Variants in LTBP1 observed in about 807,000 individuals in gnomAD.
LTBP1 encodes the protein latent transforming growth factor beta binding protein 1, also known as latent-transforming growth factor beta-binding protein 1.
A neutral mutation model predicts 207.6 loss-of-function variants in LTBP1; 129 were observed. That is an observed-to-expected ratio of 0.62 (90% CI 0.54 to 0.72). The LOEUF (loss-of-function observed/expected upper bound fraction) is 0.72. LTBP1 is among the 30% of genes least tolerant of loss of function. The pLI is 0.00. For synonymous variants in LTBP1, 963 were observed against 833.7 expected, an observed-to-expected ratio of 1.16 and a Z score of -2.67; for missense variants, 2,281 against 2,217.2, an observed-to-expected ratio of 1.03 and a Z score of -0.58.
chr2:32,953,305 C>T (rs1183399768), intron 2 of LTBP1, among the ~76,000 whole-genome samples: 1 of 152,236 alleles, frequency 6.6e-6, no homozygotes, highest in African/African-American at 2.4e-5. Context: ...TCCCTCTTGG[C>T]TTGGCATCGT....
At chr2:33,034,114 A>G (rs1292512532) in intron 3 of LTBP1, among the ~76,000 whole-genome samples, 2 of 152,096 alleles carry the variant, frequency 1.3e-5, no homozygotes, top group African/African-American at 4.8e-5. Context: ...TCTTTAATTC[A>G]AAGTTTCACT....
intron 2 of LTBP1, among the ~76,000 whole-genome samples, chr2:32,991,192 C>T (rs1454314): frequency 1.8e-3 from 275 of 152,184 alleles, no homozygotes; most frequent in Non-Finnish European, 3.1e-3. Flanking sequence ...ATATGTTTCT[C>T]TTTTAATAAA....
intron 2 of LTBP1, among the ~76,000 whole-genome samples, chr2:32,958,119 G>A (rs1360246766): frequency 6.6e-6 from 1 of 152,172 alleles, no homozygotes; most frequent in Non-Finnish European, 1.5e-5. Flanking sequence ...AGAATACGGA[G>A]CTCCTAATTG....
chr2:33,225,751 C>T (rs866557493), intron 9 of LTBP1, among the ~76,000 whole-genome samples: 2 of 152,286 alleles, frequency 1.3e-5, no homozygotes, highest in African/African-American at 4.8e-5. Flanking sequence ...CCCTTCCCAG[C>T]CTCTAGTTAT....
chr2:33,311,136 C>G (rs1254548838), intron 23 of LTBP1, among the ~76,000 whole-genome samples: 4 of 152,076 alleles, frequency 2.6e-5, no homozygotes, highest in Non-Finnish European at 5.9e-5. Context: ...GATAGTGGCA[C>G]TGGAATTATA....
intron 5 of LTBP1, among the ~76,000 whole-genome samples, chr2:33,146,825 C>T (rs916087050): frequency 2.6e-5 from 4 of 152,224 alleles, no homozygotes; most frequent in African/African-American, 9.6e-5. Context: ...AGTTCGCCCC[C>T]ATGATCCAAT....
chr2:32,962,645 A>G (rs1679313384), intron 2 of LTBP1, among the ~76,000 whole-genome samples: 1 of 152,256 alleles, frequency 6.6e-6, no homozygotes, highest in Admixed American at 6.5e-5. Context: ...TATTACAACA[A>G]ATGTCCCTGT....
Position 33,134,980 on chromosome 2 carries a change from C to A in LTBP1, c.1201+20C>A. The A allele has an allele frequency of 6.3e-7, 1 of 1,587,098 alleles. No individual in the cohort carries two copies. The highest frequency in any genetic ancestry group is 8.6e-7 in the Non-Finnish European group (1 of 1,166,210). On this transcript the variant is annotated intron_variant, in intron 5 of 33. Transcript: ENST00000404816. The surrounding 1 kb of genome is among the most constrained non-coding windows in gnomAD (Gnocchi z 4.4). ...GAGTGGGTGAGTTCCTCCACGGTCCCTAACTGTCCTTACTGAGTCGAGTTT... is the reference window on the plus strand; with the variant it reads ...GAGTGGGTGAGTTCCTCCACGGTCCATAACTGTCCTTACTGAGTCGAGTTT...
intron 3 of LTBP1, 135 bp from the exon 4 acceptor site, chr2:33,110,447 T>C (rs1385996669): frequency 2.7e-6 from 2 of 746,066 alleles, no homozygotes; most frequent in African/African-American, 3.5e-5. Flanking sequence ...GCGACAGTAT[T>C]TGAAGGAAAA....
intron 7 of LTBP1, among the ~76,000 whole-genome samples, chr2:33,200,342 C>T (rs1007894396): frequency 6.6e-6 from 1 of 152,182 alleles, no homozygotes; most frequent in South Asian, 2.1e-4. Flanking sequence ...ACTATCTGAT[C>T]TTTGACAAAC....
chr2:33,253,529 A>C (rs1195446107), intron 11 of LTBP1, among the ~76,000 whole-genome samples: 1 of 152,192 alleles, frequency 6.6e-6, no homozygotes, highest in African/African-American at 2.4e-5. Context: ...AAGAAATGTA[A>C]CCTGAAAGCG....
At chr2:33,005,014 A>G (rs1465781463) in intron 2 of LTBP1, among the ~76,000 whole-genome samples, 1 of 151,928 alleles carries the variant, frequency 6.6e-6, no homozygotes, top group Non-Finnish European at 1.5e-5. Context: ...TCATGAAGTT[A>G]TTAATCATAT....
chr2:33,219,175 G>A (rs549456439), intron 8 of LTBP1, among the ~76,000 whole-genome samples: 19 of 152,150 alleles, frequency 1.2e-4, no homozygotes, highest in Non-Finnish European at 2.1e-4. Context: ...AATGCCCACC[G>A]AAGTTCCTCA....
At position 33,165,147 on chromosome 2, in the gene LTBP1, A is replaced by C. The variant is rs564569706; in HGVS notation, c.1202-21709A>C. Among the ~76,000 whole-genome samples, 9 of 152,296 alleles carry C rather than the reference A, an allele frequency of 5.9e-5. No individual in the cohort carries two copies. In the South Asian group the frequency reaches 1.2e-3, roughly 21 times the overall value. On this transcript the variant is annotated intron_variant, in intron 5 of 33. Transcript: ENST00000404816. ...CATAGAAAAATTCTGTAGGGAAGTG[A>C]ACTGATTGGTTGAATATGCATATCA... is the stretch of plus-strand genomic sequence containing the variant.
intron 26 of LTBP1, among the ~76,000 whole-genome samples, chr2:33,358,686 T>G (rs560941528): frequency 6.6e-6 from 1 of 152,294 alleles, no homozygotes; most frequent in East Asian, 1.9e-4. Flanking sequence ...TGATTTGTAT[T>G]TCTCACTATT....
At chr2:33,385,057 T>A (rs72802039) in intron 31 of LTBP1, among the ~76,000 whole-genome samples, 276 of 152,336 alleles carry the variant, frequency 1.8e-3, no homozygotes, top group African/African-American at 6.3e-3. Context: ...ATATTAAAAA[T>A]TCTTGGACAT....
intron 32 of LTBP1, among the ~76,000 whole-genome samples, chr2:33,395,084 C>T (rs2095346998): frequency 6.6e-6 from 1 of 152,134 alleles, no homozygotes; most frequent in African/African-American, 2.4e-5. Flanking sequence ...TGCCAAATCT[C>T]ATTTAATCTT....
chr2:33,112,741 T>C (rs1186352133), intron 4 of LTBP1, among the ~76,000 whole-genome samples: 4 of 152,082 alleles, frequency 2.6e-5, no homozygotes, highest in Admixed American at 2.6e-4. Context: ...TGATTAAAAC[T>C]GGAAAGGAGG....
chr2:33,391,941 G>A (rs1440650116), intron 32 of LTBP1, among the ~76,000 whole-genome samples: 1 of 152,168 alleles, frequency 6.6e-6, no homozygotes, highest in Non-Finnish European at 1.5e-5. Flanking sequence ...TTTCTTACAA[G>A]TTGCAGAGAA....
Sources: gnomAD v4.1 joint callset for allele counts (sites outside exome capture counted in the v4.1 genomes callset) on GRCh38, gnomAD v4.1.1 for gene constraint, Gnocchi (gnomAD v3.1) non-coding constraint, MANE v1.5 for transcripts, NCBI Gene and HGNC (gene_info 2026-07-23, HGNC 2026-07-21) for gene names.